The following UBXN8 variants were observed in gnomAD, a reference collection of about 807,000 sequenced individuals.
UBXN8 encodes UBX domain protein 8.
Under a neutral mutation model 32.1 loss-of-function variants are expected in UBXN8, and 27 were observed. The observed-to-expected ratio is 0.84, with a 90% confidence interval of 0.62 to 1.16. UBXN8 has a LOEUF of 1.16. Ranked by LOEUF, UBXN8 falls within the 50% of genes most tolerant of loss-of-function variation. UBXN8 has a pLI of 0.00. For synonymous variants in UBXN8, 109 were observed against 111.8 expected, an observed-to-expected ratio of 0.98 and a Z score of 0.16; for missense variants, 306 against 311.4, an observed-to-expected ratio of 0.98 and a Z score of 0.13.
intron 1 of UBXN8, among the ~76,000 whole-genome samples, chr8:30,750,874 T>C (rs544416950): frequency 2.6e-5 from 4 of 152,248 alleles, no homozygotes; most frequent in Non-Finnish European, 5.9e-5. Flanking sequence ...TTTGTCTGTC[T>C]GTCCCGAACA....
At chr8:30,741,450 T>C (rs912001092), upstream of UBXN8, among the ~76,000 whole-genome samples, 39 of 134,888 alleles carry the variant, frequency 2.9e-4, no homozygotes, top group African/African-American at 1.3e-3. Context: ...GTCAAAGCAA[T>C]GTTCTTTTTT....
In UBXN8 at chr8:30,738,645, C is replaced by G. The variant is rs550492429; in HGVS notation, c.622+5337C>G. 2.4e-4 allele frequency among the ~76,000 whole-genome samples: 31 copies of G among 129,888 alleles called. No individual in the cohort carries two copies. In the Middle Eastern group the frequency reaches 0.014, roughly 58 times the overall value. The allele number at this position is 129,888 out of a possible 152,430, so 85.2% of individuals were successfully genotyped here. A position where few individuals can be genotyped will look rare whatever the true frequency, so the allele number is the denominator to read the frequency against. ...CACTGCACTCCAGCCTGGGCGACAGCCTCCGTCTCAAAAAAAAAAAAAAAA... is the reference window on the plus strand; with the variant it reads ...CACTGCACTCCAGCCTGGGCGACAGGCTCCGTCTCAAAAAAAAAAAAAAAA... On this transcript the variant is annotated intron_variant, in intron 1 of 1. Coordinates refer to the UBXN8 transcript ENST00000522968.
intron 7 of UBXN8, among the ~76,000 whole-genome samples, chr8:30,765,908 G>T (rs1212165655): frequency 6.6e-6 from 1 of 151,490 alleles, no homozygotes. Flanking sequence ...TACTCTGAAG[G>T]CTGAGGCAGG....
At chr8:30,742,878 C>A (rs2128752605), upstream of UBXN8, among the ~76,000 whole-genome samples, 1 of 151,754 alleles carries the variant, frequency 6.6e-6, no homozygotes, top group South Asian at 2.1e-4. Flanking sequence ...GCTTACAGGG[C>A]TATCTTTCCC....
chr8:30,743,720 A>T (rs1805270774), upstream of UBXN8, among the ~76,000 whole-genome samples: 1 of 152,182 alleles, frequency 6.6e-6, no homozygotes. Flanking sequence ...GGAACCAGAG[A>T]CTGCGGACGG....
intron 7 of UBXN8, among the ~76,000 whole-genome samples, chr8:30,764,855 T>G (rs1377587869): frequency 2.0e-5 from 3 of 152,058 alleles, no homozygotes; most frequent in African/African-American, 2.4e-5. Context: ...ATCAAGACCA[T>G]CCTGGCCAAC....
chr8:30,754,402 A>G, intron 3 of UBXN8: 1 of 555,902 alleles, frequency 1.8e-6, no homozygotes, highest in Admixed American at 2.1e-5. Context: ...CCATTCTCTC[A>G]GGAAATGGGA....
chr8:30,756,806 C>T lies in UBXN8; in HGVS notation c.447C>T (p.Asn149=). ...GTCAGACATCTTTTGAAACATCAAA[C>T]AGAGAAGCAGCAAAGAGCCAGAACT... ...GTSQTSFETS[N]REAAKSQNLP... Residue 149 remains asparagine, a synonymous_variant, in exon 5 of 8, where the codon AAC becomes AAT. Transcript: ENST00000265616. The T allele has an allele frequency of 6.2e-7, 1 of 1,614,024 alleles. No individual in the cohort carries two copies. The highest frequency in any genetic ancestry group is 8.5e-7 in the Non-Finnish European group (1 of 1,179,896).
In UBXN8 at chr8:30,746,953, G is replaced by A. The variant is rs543560339; in HGVS notation, c.88+2676G>A. On this transcript the variant is annotated intron_variant, in intron 1 of 7. Transcript: ENST00000265616. Reference sequence around the variant, plus strand: ...AGGCGAGTCATGAGGTCAAGTAATCGAGACCATCCTGGCCAACATGGTGAA... The same window carrying A: ...AGGCGAGTCATGAGGTCAAGTAATCAAGACCATCCTGGCCAACATGGTGAA... 1.7e-4 allele frequency among the ~76,000 whole-genome samples: 22 copies of A among 130,654 alleles called. 3 individuals are homozygous for A. Among genetic ancestry groups the A allele is most frequent in the South Asian group, 1.5e-3 (6 of 4,026 alleles). The allele number at this position is 130,654 out of a possible 152,430, so 85.7% of individuals were successfully genotyped here.
chr8:30,747,572 A>T (rs1277275465), intron 1 of UBXN8, among the ~76,000 whole-genome samples: 1 of 140,910 alleles, frequency 7.1e-6, no homozygotes, highest in African/African-American at 2.7e-5. Flanking sequence ...CAGCTTCTCA[A>T]AGTGCTGGGA....
chr8:30,762,406 G>T (rs1805857532), intron 6 of UBXN8, among the ~76,000 whole-genome samples: 2 of 151,348 alleles, frequency 1.3e-5, no homozygotes, highest in Non-Finnish European at 2.9e-5. Context: ...TTTTGTTTTT[G>T]TTTTTGAGAC....
In UBXN8 at chr8:30,757,656, C is replaced by A. The variant is rs192704462; in HGVS notation, c.528+769C>A. 6.6e-4 allele frequency among the ~76,000 whole-genome samples: 101 copies of A among 151,884 alleles called. 1 individual carries two copies. In the East Asian group the frequency reaches 0.019, roughly 28 times the overall value. On this transcript the variant is annotated intron_variant, in intron 5 of 7. Coordinates refer to ENST00000265616, the MANE Select transcript of UBXN8 (RefSeq NM_005671.4). ...TGGGTGGATCACGAGGTCACGAGTT[C>A]AAGACCAGCCTGGCTAAGATGGTAA...
chr8:30,760,482 T>G (rs1258107942), intron 5 of UBXN8, among the ~76,000 whole-genome samples: 1 of 145,330 alleles, frequency 6.9e-6, no homozygotes, highest in Non-Finnish European at 1.5e-5. Context: ...CTTGCTTTGT[T>G]GCAATGGTTG....
At chr8:30,740,318 T>G (rs1029804171), upstream of UBXN8, among the ~76,000 whole-genome samples, 1 of 149,260 alleles carries the variant, frequency 6.7e-6, no homozygotes, top group African/African-American at 2.5e-5. Flanking sequence ...AGTATGTATA[T>G]CATATGAAGT....
At position 30,744,280 on chromosome 8, in the gene UBXN8, A is replaced by G. The variant is rs1376250118; in HGVS notation, c.88+3A>G. 3 of 1,612,910 alleles carry G rather than the reference A, an allele frequency of 1.9e-6. No homozygotes were observed. Among genetic ancestry groups the G allele is most frequent in the Non-Finnish European group, 2.5e-6 (3 of 1,179,506 alleles). ...CCGGCGTGGGATCCCGGATATAGGT[A>G]AGTGTGACTTTTTCCCTTCGACAGT... On this transcript the variant is annotated splice_donor_region_variant and intron_variant, in intron 1 of 7. Coordinates refer to ENST00000265616, the MANE Select transcript of UBXN8 (RefSeq NM_005671.4).
intron 2 of UBXN8, 96 bp downstream of exon 2, chr8:30,751,614 G>A: frequency 9.7e-7 from 1 of 1,029,196 alleles, no homozygotes; most frequent in Non-Finnish European, 1.3e-6. Flanking sequence ...CTATTAATTT[G>A]TGATGTGTAG....
At chr8:30,744,561 G>T (rs1329091834) in intron 1 of UBXN8, 3 of 500,894 alleles carry the variant, frequency 6.0e-6, no homozygotes, top group Non-Finnish European at 3.5e-6. Flanking sequence ...GAAATAAACA[G>T]GTTGATAAGA....
At chr8:30,742,509 G>A (rs901791564), upstream of UBXN8, among the ~76,000 whole-genome samples, 13 of 152,016 alleles carry the variant, frequency 8.6e-5, no homozygotes, top group African/African-American at 9.7e-5. Context: ...GCCATCACGC[G>A]CAGCTATTTT....
chr8:30,750,515 G>A (rs962400854), intron 1 of UBXN8, among the ~76,000 whole-genome samples: 8 of 151,690 alleles, frequency 5.3e-5, no homozygotes, highest in African/African-American at 1.7e-4. Flanking sequence ...GCTCACGCTT[G>A]TAATCCCAGA....
Sources: gnomAD v4.1 joint callset for allele counts (sites outside exome capture counted in the v4.1 genomes callset) on GRCh38, gnomAD v4.1.1 for gene constraint, MANE v1.5 for transcripts, NCBI Gene and HGNC (gene_info 2026-07-23, HGNC 2026-07-21) for gene names.